The following NFAT5 variants were observed in gnomAD, a reference collection of about 807,000 sequenced individuals.
NFAT5 encodes nuclear factor of activated T cells 5.
NFAT5 carries 31 observed loss-of-function variants against 166.5 expected under a neutral mutation model. The observed-to-expected ratio is 0.19, with a 90% confidence interval of 0.14 to 0.25. The LOEUF (loss-of-function observed/expected upper bound fraction) is 0.25, where lower values mean the gene tolerates loss of function less well. Among genes scored for constraint, NFAT5 ranks in the 10% least tolerant of loss-of-function variants. The pLI is 1.00. For synonymous variants in NFAT5, 612 were observed against 639.7 expected, an observed-to-expected ratio of 0.96 and a Z score of 0.65; for missense variants, 1,449 against 1,821.8, an observed-to-expected ratio of 0.80 and a Z score of 3.72.
At chr16:69,669,888 A>T in intron 7 of NFAT5, 89 bp from the exon 8 acceptor site, 2 of 1,143,242 alleles carry the variant, frequency 1.7e-6, no homozygotes, top group South Asian at 1.8e-5. Context: ...AATAAAGACA[A>T]CTCATAGAAC....
At chr16:69,656,578 A>G (rs1175576209) in intron 6 of NFAT5, among the ~76,000 whole-genome samples, 1 of 151,390 alleles carries the variant, frequency 6.6e-6, no homozygotes, top group Non-Finnish European at 1.5e-5. Flanking sequence ...TCAGCCTCCC[A>G]AGTAGCTGAG....
chr16:69,659,878 C>A lies in NFAT5; in HGVS notation c.1348C>A (p.Pro450Thr). The change falls in exon 7 of 15, where the codon CCC becomes ACC. Residue 450 changes from proline to threonine, a missense_variant. Pro to Thr is a conservative substitution (Grantham distance 38). This residue lies in a region of NFAT5 where 245 missense variants were observed against 366.6 expected (regional missense o/e 0.67). Coordinates refer to ENST00000349945, the MANE Select transcript of NFAT5 (RefSeq NM_138713.4). ...KDGSTLTLQT[P>T]SSPILCTQPA... ...TGGCTCCACTTTGACACTGCAAACACCCTCTTCTCCAATTTTGTGTAGTAA... is the reference window on the plus strand; with the variant it reads ...TGGCTCCACTTTGACACTGCAAACAACCTCTTCTCCAATTTTGTGTAGTAA... The A allele has an allele frequency of 6.2e-7, 1 of 1,608,212 alleles. No homozygotes were observed. The highest frequency in any genetic ancestry group is 8.5e-7 in the Non-Finnish European group (1 of 1,176,844).
At position 69,702,994 on chromosome 16, in the gene NFAT5, T is replaced by C. The variant is rs765238321; in HGVS notation, c.*6643T>C. On this transcript the variant is annotated 3_prime_UTR_variant, in exon 15 of 15. Transcript: ENST00000349945. ...TTAAATATATAGGTGCAATGTTCTATGTTTATTTTAATTGTTATGACATTT... is the reference window on the plus strand; with the variant it reads ...TTAAATATATAGGTGCAATGTTCTACGTTTATTTTAATTGTTATGACATTT... 5.2e-5 allele frequency: 8 copies of C among 152,668 alleles called. No individual in the cohort carries two copies. Among genetic ancestry groups the C allele is most frequent in the Non-Finnish European group, 1.2e-4 (8 of 68,038 alleles). 9.5% of individuals were successfully genotyped at this position (152,668 alleles called of 1,614,324 possible). A position where few individuals can be genotyped will look rare whatever the true frequency, so the allele number is the denominator to read the frequency against.
In NFAT5 at chr16:69,647,125, C is replaced by T. The variant is rs201604723; in HGVS notation, c.351C>T (p.Asp117=). 2 of 1,614,036 alleles carry T rather than the reference C, an allele frequency of 1.2e-6. No homozygotes were observed. The highest frequency in any genetic ancestry group is 1.7e-6 in the Non-Finnish European group (2 of 1,179,920). ...CCATTTATTCTACCTCAGTCACCGACAGCAAGGCTATGCAAGTGGAGAGCT... is the reference window on the plus strand; with the variant it reads ...CCATTTATTCTACCTCAGTCACCGATAGCAAGGCTATGCAAGTGGAGAGCT... ...SPTIYSTSVT[D]SKAMQVESCS... Residue 117 remains aspartate, a synonymous_variant, in exon 4 of 15, where the codon GAC becomes GAT. Transcript: ENST00000349945. This position sits in a 1 kb window ranked among gnomAD's most constrained non-coding sequence, Gnocchi z 4.8.
At chr16:69,628,937 G>C (rs1284659294) in intron 3 of NFAT5, among the ~76,000 whole-genome samples, 1 of 152,178 alleles carries the variant, frequency 6.6e-6, no homozygotes, top group African/African-American at 2.4e-5. Flanking sequence ...AGCCGGGCGT[G>C]GTGGCGGGCG....
At chr16:69,671,006 T>C (rs1403238657) in intron 9 of NFAT5, among the ~76,000 whole-genome samples, 1 of 152,162 alleles carries the variant, frequency 6.6e-6, no homozygotes, top group African/African-American at 2.4e-5. Flanking sequence ...TGACAGAAGG[T>C]AGAGAAATAG....
chr16:69,669,895 G>T, intron 7 of NFAT5, 82 bp from the exon 8 acceptor site: 1 of 1,242,386 alleles, frequency 8.0e-7, no homozygotes, highest in East Asian at 2.5e-5. Flanking sequence ...ACAACTCATA[G>T]AACCGGATGA....
intron 6 of NFAT5, among the ~76,000 whole-genome samples, chr16:69,658,547 T>A (rs2035990119): frequency 6.6e-6 from 1 of 150,828 alleles, no homozygotes; most frequent in African/African-American, 2.4e-5. Flanking sequence ...CTTTAAAAAC[T>A]AACTTGTGGC....
At chr16:69,626,563 A>G (rs1235655916) in intron 3 of NFAT5, 35 bp downstream of exon 3, 1 of 1,486,636 alleles carries the variant, frequency 6.7e-7, no homozygotes, top group Non-Finnish European at 8.9e-7. Context: ...AAAGAAAACT[A>G]GGGCCAATAT....
At chr16:69,623,931 GA>G (rs1221251504) in intron 2 of NFAT5, among the ~76,000 whole-genome samples, 1 of 147,788 alleles carries the variant, frequency 6.8e-6, no homozygotes, top group South Asian at 2.1e-4. Context: ...TTATGTGATG[GA>G]AAAAAACAGG....
intron 3 of NFAT5, among the ~76,000 whole-genome samples, chr16:69,629,671 G>A (rs765978515): frequency 1.6e-4 from 24 of 151,166 alleles, no homozygotes; most frequent in Non-Finnish European, 2.8e-4. Flanking sequence ...GCTGGAGTGC[G>A]AGGTGCGATC....
chr16:69,624,662 A>G (rs2034365450), intron 2 of NFAT5, among the ~76,000 whole-genome samples: 1 of 152,204 alleles, frequency 6.6e-6, no homozygotes, highest in Non-Finnish European at 1.5e-5. Flanking sequence ...GTGATTAACT[A>G]GGAAGCTCAA....
At position 69,565,985 on chromosome 16, in the gene NFAT5, C is replaced by G; in HGVS notation, c.-317C>G. On this transcript the variant is annotated 5_prime_UTR_variant, in exon 1 of 15. Coordinates refer to ENST00000349945, the MANE Select transcript of NFAT5 (RefSeq NM_138713.4). ...GGGCTCAGATTCCTGTCAGCGGCGG[C>G]GGCGGTGGCGGCGACCGTCAGTTTT... 3 of 299,204 alleles carry G rather than the reference C, an allele frequency of 1.0e-5. No individual in the cohort carries two copies. Among genetic ancestry groups the G allele is most frequent in the Non-Finnish European group, 1.9e-5 (3 of 160,970 alleles). 18.5% of individuals were successfully genotyped at this position (299,204 alleles called of 1,614,324 possible). A position where few individuals can be genotyped will look rare whatever the true frequency, so the allele number is the denominator to read the frequency against.
Position 69,565,989 on chromosome 16 carries a change from G to C in NFAT5, c.-313G>C, listed in dbSNP as rs2015999361. On this transcript the variant is annotated 5_prime_UTR_variant, in exon 1 of 15. Transcript: ENST00000349945. ...TCAGATTCCTGTCAGCGGCGGCGGC[G>C]GTGGCGGCGACCGTCAGTTTTCGCT... 1 of 301,396 alleles carries C rather than the reference G, an allele frequency of 3.3e-6. No homozygotes were observed. The highest frequency in any genetic ancestry group is 6.2e-6 in the Non-Finnish European group (1 of 162,166). 18.7% of individuals were successfully genotyped at this position (301,396 alleles called of 1,614,324 possible). A position where few individuals can be genotyped will look rare whatever the true frequency, so the allele number is the denominator to read the frequency against.
At chr16:69,580,813 G>A (rs963592463) in intron 2 of NFAT5, among the ~76,000 whole-genome samples, 6 of 151,874 alleles carry the variant, frequency 4.0e-5, no homozygotes, top group African/African-American at 1.4e-4. Context: ...CCGCCACCAC[G>A]CCTGGCTAAT....
In NFAT5 at chr16:69,603,442, A is replaced by G. The variant is rs1399128949; in HGVS notation, c.128-22961A>G. Among the ~76,000 whole-genome samples, 4 of 152,232 alleles carry G rather than the reference A, an allele frequency of 2.6e-5. No homozygotes were observed. In the South Asian group the frequency reaches 8.3e-4, roughly 32 times the overall value. On this transcript the variant is annotated intron_variant, in intron 2 of 14. Transcript: ENST00000349945. ...AATCTTCTTCAAGTTTTTCATTTAT[A>G]TGATGCATTGTTGGAGTTAAAATAG...
At chr16:69,572,202 A>G (rs1048395049) in intron 2 of NFAT5, among the ~76,000 whole-genome samples, 2 of 152,196 alleles carry the variant, frequency 1.3e-5, no homozygotes, top group Non-Finnish European at 2.9e-5. Flanking sequence ...TTGCCTGACA[A>G]TGGGAAAAGG....
chr16:69,587,458 G>A (rs569962695), intron 2 of NFAT5, among the ~76,000 whole-genome samples: 8 of 151,386 alleles, frequency 5.3e-5, no homozygotes, highest in Non-Finnish European at 4.4e-5. Flanking sequence ...GTGTGATCTC[G>A]GCTTACTGTA....
chr16:69,670,785 C>T (rs1418583156), intron 9 of NFAT5, among the ~76,000 whole-genome samples: 2 of 152,108 alleles, frequency 1.3e-5, no homozygotes, highest in East Asian at 1.9e-4. Context: ...CTTAGGAATT[C>T]GTATTTAGAG....
Sources: gnomAD v4.1 joint callset for allele counts (sites outside exome capture counted in the v4.1 genomes callset) on GRCh38, gnomAD v4.1.1 for gene constraint, gnomAD v4.1.1 regional missense constraint, Gnocchi (gnomAD v3.1) non-coding constraint, MANE v1.5 for transcripts, NCBI Gene and HGNC (gene_info 2026-07-23, HGNC 2026-07-21) for gene names.